The following MYZAP variants were observed in gnomAD, a reference collection of about 807,000 sequenced individuals.
The protein encoded by MYZAP is GRINL1A complex locus upstream.
Under a neutral mutation model 69.4 loss-of-function variants are expected in MYZAP, and 66 were observed. The ratio of observed to expected loss-of-function variants is 0.95; its 90% CI spans 0.78 to 1.17. MYZAP has a LOEUF of 1.17. Ranked by LOEUF, MYZAP falls within the 50% of genes most tolerant of loss-of-function variation. The probability of loss-of-function intolerance (pLI) is 0.00; values close to 1 mark genes in which losing one functional copy is unlikely to be tolerated. For synonymous variants in MYZAP, 256 were observed against 205.9 expected (o/e 1.24, Z -2.09); for missense variants, 611 against 556.2 (o/e 1.10, Z -0.99).
intron 12 of MYZAP, among the ~76,000 whole-genome samples, chr15:57,679,122 G>C (rs532003556): frequency 6.6e-6 from 1 of 152,202 alleles, no homozygotes; most frequent in South Asian, 2.1e-4. Flanking sequence ...GTTGTGTTGA[G>C]CTGAGATCGC....
chr15:57,630,904 A>G (rs1412530086), intron 6 of MYZAP, among the ~76,000 whole-genome samples: 1 of 152,132 alleles, frequency 6.6e-6, no homozygotes, highest in Admixed American at 6.5e-5. Context: ...TTAGTTAGGG[A>G]GACAAACTGG....
rs561920508 is a variant in MYZAP at position 57,650,580 on chromosome 15, C to T, written c.1120-10870C>T. Among the ~76,000 whole-genome samples, 59 of 152,276 alleles carry T rather than the reference C, an allele frequency of 3.9e-4. 1 individual carries two copies. Among genetic ancestry groups the T allele is most frequent in the Admixed American group, 3.3e-4 (5 of 15,288 alleles). ...GGCTTTGTATCTTGAGCAAATTATC[C>T]AAGATTCAGTTTCCTTATCAATAAT... On this transcript the variant is annotated intron_variant, in intron 10 of 12. Transcript: ENST00000267853.
chr15:57,617,986 G>A (rs759656479), intron 2 of MYZAP, 47 bp from the exon 3 acceptor site: 1 of 1,588,354 alleles, frequency 6.3e-7, no homozygotes, highest in Non-Finnish European at 8.6e-7. Flanking sequence ...CTGTGCATGA[G>A]GCCTAAAGAG....
At chr15:57,664,376 G>A (rs140338226) in intron 11 of MYZAP, among the ~76,000 whole-genome samples, 4 of 152,304 alleles carry the variant, frequency 2.6e-5, no homozygotes, top group Non-Finnish European at 2.9e-5. Flanking sequence ...GCTAGGCCAT[G>A]TAGAGATCTC....
chr15:57,606,943 G>A (rs2034790874), intron 2 of MYZAP, among the ~76,000 whole-genome samples: 1 of 152,188 alleles, frequency 6.6e-6, no homozygotes, highest in African/African-American at 2.4e-5. Context: ...GAAGTGGTCA[G>A]GCTTCAGCTG....
intron 11 of MYZAP, among the ~76,000 whole-genome samples, chr15:57,672,224 CCTT>C: frequency 6.6e-6 from 1 of 152,212 alleles, no homozygotes; most frequent in Non-Finnish European, 1.5e-5. Context: ...GCCCTGGCAT[CCTT>C]CTCCGGGTTT....
At chr15:57,645,099 G>T (rs1205169432) in intron 10 of MYZAP, among the ~76,000 whole-genome samples, 1 of 151,982 alleles carries the variant, frequency 6.6e-6, no homozygotes, top group African/African-American at 2.4e-5. Flanking sequence ...GAAAGAGAAG[G>T]CAAAAACATC....
Position 57,661,517 on chromosome 15 carries a change from C to T in MYZAP, c.1187C>T (p.Ser396Phe). The change falls in exon 11 of 13, where the codon TCT (serine) becomes TTT (phenylalanine). Residue 396 changes from serine to phenylalanine, a missense_variant. By Grantham distance (155) the Ser-to-Phe change is radical. Coordinates refer to ENST00000267853, the MANE Select transcript of MYZAP (RefSeq NM_001018100.5). ...ATACTGCAGCTTTTAGAAAAGATAT[C>T]TTTCTTAGAAGGAGAGGTAAGGATC... ...LLILQLLEKI[S>F]FLEGENNELQ... 6.2e-7 allele frequency: 1 copy of T among 1,609,834 alleles called. No homozygotes were observed. Among genetic ancestry groups the T allele is most frequent in the Non-Finnish European group, 8.5e-7 (1 of 1,178,632 alleles).
At chr15:57,648,237 A>G (rs1430592183) in intron 10 of MYZAP, 2 of 985,260 alleles carry the variant, frequency 2.0e-6, no homozygotes, top group Admixed American at 6.1e-5. Context: ...AAGCAGGTTC[A>G]TTCTATGACA....
At chr15:57,641,398 G>T (rs2037148113) in intron 10 of MYZAP, among the ~76,000 whole-genome samples, 1 of 152,122 alleles carries the variant, frequency 6.6e-6, no homozygotes, top group Admixed American at 6.5e-5. Context: ...ATGTATATGT[G>T]TATTTATACA....
intron 1 of MYZAP, among the ~76,000 whole-genome samples, chr15:57,599,941 C>T (rs2034309102): frequency 6.6e-6 from 1 of 152,130 alleles, no homozygotes; most frequent in African/African-American, 2.4e-5. Flanking sequence ...CTGTCTCTTC[C>T]CGACATATTT....
chr15:57,624,672 C>T (rs1257375591), intron 4 of MYZAP, among the ~76,000 whole-genome samples: 3 of 152,246 alleles, frequency 2.0e-5, no homozygotes, highest in Non-Finnish European at 2.9e-5. Context: ...CCCTCATTTT[C>T]TCATGCTAGA....
intron 10 of MYZAP, among the ~76,000 whole-genome samples, chr15:57,640,789 G>T (rs1318338662): frequency 1.3e-5 from 2 of 152,154 alleles, no homozygotes; most frequent in Admixed American, 1.3e-4. Flanking sequence ...TCTTATATTG[G>T]TTCACACACA....
intron 11 of MYZAP, among the ~76,000 whole-genome samples, chr15:57,666,142 A>G (rs2140570867): frequency 6.6e-6 from 1 of 152,330 alleles, no homozygotes; most frequent in Admixed American, 6.5e-5. Context: ...ACATTCTGCC[A>G]TTATCTGTGC....
intron 10 of MYZAP, among the ~76,000 whole-genome samples, chr15:57,645,417 C>G (rs2037391805): frequency 6.6e-6 from 1 of 152,112 alleles, no homozygotes; most frequent in Non-Finnish European, 1.5e-5. Flanking sequence ...AGTTAGAGAC[C>G]TTTATGTGTC....
At chr15:57,648,331 C>T (rs989123020) in intron 10 of MYZAP, 1 of 985,360 alleles carries the variant, frequency 1.0e-6, no homozygotes, top group Non-Finnish European at 1.2e-6. Context: ...AATCTATGTT[C>T]TCTTTATTGA....
chr15:57,666,368 A>G (rs1166312734), intron 11 of MYZAP, among the ~76,000 whole-genome samples: 1 of 152,200 alleles, frequency 6.6e-6, no homozygotes, highest in Non-Finnish European at 1.5e-5. Context: ...TTCCTAGGTC[A>G]TGGCTGACAC....
At chr15:57,678,030 C>T (rs1161862514) in intron 12 of MYZAP, among the ~76,000 whole-genome samples, 1 of 124,312 alleles carries the variant, frequency 8.0e-6, no homozygotes, top group Non-Finnish European at 1.6e-5. Flanking sequence ...ATAGCAGGAC[C>T]TTATCTCTAC....
chr15:57,605,725 G>T (rs775287105), intron 2 of MYZAP, among the ~76,000 whole-genome samples: 5 of 152,138 alleles, frequency 3.3e-5, no homozygotes, highest in Non-Finnish European at 7.4e-5. Context: ...CCACTAAAAA[G>T]ATCCAGAAAA....
Sources: allele counts gnomAD v4.1 joint callset (sites outside exome capture counted in the v4.1 genomes callset), GRCh38; gene constraint gnomAD v4.1.1; transcripts MANE v1.5; gene names NCBI Gene and HGNC (gene_info 2026-07-23, HGNC 2026-07-21).